Variants in JAZF1 observed in about 807,000 individuals in gnomAD.
JAZF1 encodes JAZF zinc finger 1.
A neutral mutation model predicts 26.4 loss-of-function variants in JAZF1; 8 were observed. The ratio of observed to expected loss-of-function variants is 0.30; its 90% CI spans 0.18 to 0.55. The LOEUF (loss-of-function observed/expected upper bound fraction) is 0.55, where lower values mean the gene tolerates loss of function less well. Among genes scored for constraint, JAZF1 ranks in the 20% least tolerant of loss-of-function variants. JAZF1 has a pLI of 0.94. For missense variants in JAZF1, 199 were observed against 322.0 expected (o/e 0.62, Z 2.92); for synonymous variants, 126 against 122.3 (o/e 1.03, Z -0.20).
rs566538818 is a variant in JAZF1, at chr7:27,919,859, T to A, written c.189-24443A>T. On this transcript the variant is annotated intron_variant, in intron 2 of 4. Transcript: ENST00000283928. Reference sequence around the variant, plus strand: ...TCTAAATATCACTAATGACAATGTATGTAGAGGCAAATTCAATCCTGGTTT... The same window carrying A: ...TCTAAATATCACTAATGACAATGTAAGTAGAGGCAAATTCAATCCTGGTTT... Among the ~76,000 whole-genome samples, 5 of 152,354 alleles carry A rather than the reference T, an allele frequency of 3.3e-5. No individual in the cohort carries two copies. The East Asian group carries it at 9.6e-4, about 29-fold the overall frequency.
intron 1 of JAZF1, among the ~76,000 whole-genome samples, chr7:28,144,131 C>T (rs1243625059): frequency 6.6e-6 from 1 of 152,186 alleles, no homozygotes; most frequent in Non-Finnish European, 1.5e-5. Context: ...TTTTCTAAGC[C>T]ACATTCTCTC....
intron 1 of JAZF1, among the ~76,000 whole-genome samples, chr7:28,128,927 T>C (rs1301668437): frequency 1.3e-5 from 2 of 152,142 alleles, no homozygotes. Context: ...AGATAACCCA[T>C]TGTTCTGACT....
At chr7:27,981,292 A>G (rs1170768088) in intron 2 of JAZF1, among the ~76,000 whole-genome samples, 1 of 152,234 alleles carries the variant, frequency 6.6e-6, no homozygotes, top group African/African-American at 2.4e-5. Context: ...ATCAAATGAC[A>G]TCTAGAGGAA....
At chr7:28,076,233 G>A (rs529675246) in intron 1 of JAZF1, among the ~76,000 whole-genome samples, 10 of 152,280 alleles carry the variant, frequency 6.6e-5, no homozygotes, top group Non-Finnish European at 1.2e-4. Context: ...TTATTTCAAC[G>A]GCCCAGAGCA....
chr7:27,848,114 T>C (rs192519020), intron 3 of JAZF1, among the ~76,000 whole-genome samples: 15 of 152,384 alleles, frequency 9.8e-5, no homozygotes, highest in African/African-American at 3.6e-4. Flanking sequence ...ATTAGGATTC[T>C]GATAGGGATT....
At chr7:28,092,103 C>T (rs1219779925) in intron 1 of JAZF1, among the ~76,000 whole-genome samples, 1 of 151,668 alleles carries the variant, frequency 6.6e-6, no homozygotes, top group Admixed American at 6.6e-5. Context: ...TTACATATGA[C>T]TTCACATATA....
At chr7:28,013,146 T>G (rs1431290782) in intron 1 of JAZF1, among the ~76,000 whole-genome samples, 1 of 152,128 alleles carries the variant, frequency 6.6e-6, no homozygotes, top group Non-Finnish European at 1.5e-5. Context: ...AAACACCCAC[T>G]GAGACACCTG....
intron 1 of JAZF1, among the ~76,000 whole-genome samples, chr7:28,058,503 T>C (rs1783751096): frequency 6.6e-6 from 1 of 152,178 alleles, no homozygotes; most frequent in African/African-American, 2.4e-5. Context: ...TCTTTTGGCC[T>C]TCCTGTACAA....
chr7:27,997,498 G>C (rs1245797453), intron 1 of JAZF1, among the ~76,000 whole-genome samples: 1 of 152,180 alleles, frequency 6.6e-6, no homozygotes, highest in South Asian at 2.1e-4. Flanking sequence ...TCTCCCTACA[G>C]TTAAGTGCAT....
At chr7:28,061,054 T>C (rs75405943) in intron 1 of JAZF1, among the ~76,000 whole-genome samples, 9,426 of 152,302 alleles carry the variant, frequency 0.062, 551 homozygotes, top group African/African-American at 0.15. Context: ...CAGGCAGCCT[T>C]GGGAAGTTAT....
chr7:27,899,367 T>G (rs753142338), intron 2 of JAZF1, among the ~76,000 whole-genome samples: 3 of 152,226 alleles, frequency 2.0e-5, no homozygotes. Flanking sequence ...TGTGACTCAG[T>G]GGCCTAAGCT....
chr7:28,083,628 T>A (rs1784170903), intron 1 of JAZF1, among the ~76,000 whole-genome samples: 1 of 151,876 alleles, frequency 6.6e-6, no homozygotes. Flanking sequence ...TTATTTTATA[T>A]TTTTCAAAAT....
chr7:27,984,755 C>T (rs995351608), intron 2 of JAZF1, among the ~76,000 whole-genome samples: 1 of 152,218 alleles, frequency 6.6e-6, no homozygotes, highest in African/African-American at 2.4e-5. Context: ...CAAACTGTCT[C>T]TCAGACCACA....
intron 2 of JAZF1, among the ~76,000 whole-genome samples, chr7:27,952,372 A>G (rs1785024971): frequency 1.3e-5 from 2 of 152,234 alleles, no homozygotes; most frequent in Non-Finnish European, 2.9e-5. Context: ...CCAGCACCCA[A>G]TGAAATGGTT....
At chr7:28,160,445 G>A (rs1175028336) in intron 1 of JAZF1, among the ~76,000 whole-genome samples, 2 of 152,202 alleles carry the variant, frequency 1.3e-5, no homozygotes, top group African/African-American at 4.8e-5. Flanking sequence ...GCTTGTGGCT[G>A]CACCCCCAGC....
chr7:28,053,982 T>A (rs1389993585), intron 1 of JAZF1, among the ~76,000 whole-genome samples: 2 of 152,222 alleles, frequency 1.3e-5, no homozygotes, highest in African/African-American at 4.8e-5. Context: ...CCTTCCAGGA[T>A]TAAAATTCAA....
At chr7:27,920,448 G>T (rs1784508509) in intron 2 of JAZF1, among the ~76,000 whole-genome samples, 1 of 152,202 alleles carries the variant, frequency 6.6e-6, no homozygotes, top group African/African-American at 2.4e-5. Flanking sequence ...AACTGTGTAA[G>T]CAGGTTGGCT....
intron 2 of JAZF1, chr7:27,913,462 G>A (rs767074641): frequency 1.7e-5 from 7 of 402,592 alleles, no homozygotes; most frequent in East Asian, 1.1e-4. Context: ...GTCTGTGGGC[G>A]GAAGAGGGTG....
chr7:28,165,794 G>A (rs546333617), intron 1 of JAZF1, among the ~76,000 whole-genome samples: 14 of 152,184 alleles, frequency 9.2e-5, no homozygotes, highest in Admixed American at 2.0e-4. Context: ...CTCCTGACTC[G>A]CTGTATTTTT....
Sources: allele counts gnomAD v4.1 joint callset (sites outside exome capture counted in the v4.1 genomes callset), GRCh38; gene constraint gnomAD v4.1.1; transcripts MANE v1.5; gene names NCBI Gene and HGNC (gene_info 2026-07-23, HGNC 2026-07-21).